The following LRP1B variants were observed in gnomAD, a reference collection of about 807,000 sequenced individuals.
LRP1B encodes the protein LDL receptor related protein 1B.
Under a neutral mutation model 556.6 loss-of-function variants are expected in LRP1B, and 217 were observed. That is an observed-to-expected ratio of 0.39 (90% CI 0.35 to 0.44). LRP1B has a LOEUF of 0.44. Ranked by LOEUF, LRP1B falls within the 20% of genes least tolerant of loss-of-function variation. The probability of loss-of-function intolerance (pLI) is 1.00; values close to 1 mark genes in which losing one functional copy is unlikely to be tolerated. For synonymous variants in LRP1B, 2,047 were observed against 1,865.8 expected (o/e 1.10, Z -2.50); for missense variants, 5,053 against 5,620.8 (o/e 0.90, Z 3.23).
chr2:141,791,916 C>T (rs1215873008), intron 2 of LRP1B, among the ~76,000 whole-genome samples: 1 of 151,998 alleles, frequency 6.6e-6, no homozygotes, highest in African/African-American at 2.4e-5. Context: ...TCCTGATTTC[C>T]AGTGCTTTCC....
In LRP1B at chr2:141,857,410, G is replaced by A. The variant is rs576993830; in HGVS notation, c.83-47009C>T. Among the ~76,000 whole-genome samples the A allele has an allele frequency of 8.0e-4, 121 of 151,844 alleles. 1 individual carries two copies. Among genetic ancestry groups the A allele is most frequent in the Non-Finnish European group, 1.6e-3 (108 of 67,966 alleles). ...GGGTGAAGGGCAGTGGCATAATCAT[G>A]GCTCAATGCAGCCTCAACCTCCCAG... On this transcript the variant is annotated intron_variant, in intron 1 of 90. Coordinates refer to ENST00000389484, the MANE Select transcript of LRP1B (RefSeq NM_018557.3).
At chr2:140,664,242 T>C (rs970402651) in intron 41 of LRP1B, among the ~76,000 whole-genome samples, 12 of 152,192 alleles carry the variant, frequency 7.9e-5, no homozygotes, top group Non-Finnish European at 5.9e-5. Flanking sequence ...TGAGCACATG[T>C]TATTGGAAAA....
chr2:140,789,768 C>T (rs1182467634), intron 32 of LRP1B, among the ~76,000 whole-genome samples: 1 of 148,988 alleles, frequency 6.7e-6, no homozygotes. Context: ...GTAGCTGGGA[C>T]TACAGGCGCC....
intron 41 of LRP1B, among the ~76,000 whole-genome samples, chr2:140,628,594 T>C (rs779751893): frequency 6.7e-6 from 1 of 149,534 alleles, no homozygotes; most frequent in Non-Finnish European, 1.5e-5. Flanking sequence ...ATGTGTAGAT[T>C]TGCAAAGTAC....
chr2:140,276,115 AAAT>A (rs1159833177), intron 84 of LRP1B, among the ~76,000 whole-genome samples: 1 of 152,056 alleles, frequency 6.6e-6, no homozygotes, highest in East Asian at 1.9e-4. Flanking sequence ...AAGCAATATT[AAAT>A]GAGATTAGCT....
At chr2:140,459,871 C>G (rs1163489341) in intron 60 of LRP1B, among the ~76,000 whole-genome samples, 3 of 152,114 alleles carry the variant, frequency 2.0e-5, no homozygotes, top group Non-Finnish European at 4.4e-5. Context: ...TTCCCCCCTA[C>G]ACTCCCTCTC....
intron 41 of LRP1B, among the ~76,000 whole-genome samples, chr2:140,692,231 A>G (rs1232408884): frequency 6.6e-6 from 1 of 152,164 alleles, no homozygotes. Context: ...ATAGTTTTCA[A>G]TATCACATCA....
At chr2:140,778,739 T>G (rs1397138862) in intron 32 of LRP1B, among the ~76,000 whole-genome samples, 1 of 151,940 alleles carries the variant, frequency 6.6e-6, no homozygotes, top group Non-Finnish European at 1.5e-5. Flanking sequence ...AAAAGAAGAA[T>G]GTCTACAATC....
At chr2:141,912,375 A>G (rs1386947652) in intron 1 of LRP1B, among the ~76,000 whole-genome samples, 5 of 152,126 alleles carry the variant, frequency 3.3e-5, no homozygotes, top group Non-Finnish European at 1.5e-5. Flanking sequence ...CTTTCTTGGC[A>G]TTTAGGAAAT....
chr2:142,078,092 T>C (rs2104924842), intron 1 of LRP1B, among the ~76,000 whole-genome samples: 1 of 152,218 alleles, frequency 6.6e-6, no homozygotes, highest in South Asian at 2.1e-4. Flanking sequence ...TACCCTGCAC[T>C]TTGTTCCCTA....
chr2:140,714,036 A>G (rs1687126926), intron 37 of LRP1B, among the ~76,000 whole-genome samples: 1 of 152,102 alleles, frequency 6.6e-6, no homozygotes, highest in African/African-American at 2.4e-5. Context: ...TTAGTCTTTT[A>G]TTGTGCCTGA....
At chr2:140,366,903 T>C (rs1285816661) in intron 71 of LRP1B, among the ~76,000 whole-genome samples, 1 of 151,784 alleles carries the variant, frequency 6.6e-6, no homozygotes, top group African/African-American at 2.4e-5. Flanking sequence ...AATAATTCAG[T>C]AGATAAGACA....
chr2:141,644,007 AGAGTGTGTGTGTGTGTGT>A (rs1306446156), intron 2 of LRP1B, among the ~76,000 whole-genome samples: 19 of 142,310 alleles, frequency 1.3e-4, no homozygotes, highest in Admixed American at 2.9e-4. Context: ...GAGAATGTGG[AGAGTGTGTGTGTGTGTGT>A]GTGTGTGTGT....
rs1486114742 is a variant in LRP1B at position 140,736,896 on chromosome 2, A to G, written c.5759-20080T>C. Among the ~76,000 whole-genome samples, 3 of 152,242 alleles carry G rather than the reference A, an allele frequency of 2.0e-5. No homozygotes were observed. In the South Asian group the frequency reaches 6.2e-4, roughly 32 times the overall value. On this transcript the variant is annotated intron_variant, in intron 35 of 90. Coordinates refer to ENST00000389484, the MANE Select transcript of LRP1B (RefSeq NM_018557.3). ...TCGTTGTGCTTACCTGCCAGAAACC[A>G]AAAGGCCGTAACTACCATGACTGGC... is the stretch of plus-strand genomic sequence containing the variant.
chr2:141,963,544 C>T (rs1041658165), intron 1 of LRP1B, among the ~76,000 whole-genome samples: 1 of 151,620 alleles, frequency 6.6e-6, no homozygotes, highest in Non-Finnish European at 1.5e-5. Flanking sequence ...AATTCAACAA[C>T]CCTTCATGCT....
At chr2:141,861,793 G>A (rs1217812186) in intron 1 of LRP1B, among the ~76,000 whole-genome samples, 1 of 152,110 alleles carries the variant, frequency 6.6e-6, no homozygotes, top group African/African-American at 2.4e-5. Flanking sequence ...AGCCGGGCAT[G>A]ATGGCAGGTG....
chr2:141,830,705 A>G (rs528725826), intron 1 of LRP1B, among the ~76,000 whole-genome samples: 1 of 151,932 alleles, frequency 6.6e-6, no homozygotes, highest in South Asian at 2.1e-4. Context: ...ATGTAAACTC[A>G]GTGGATTTTT....
In LRP1B at chr2:140,485,431, C is replaced by T. The variant is rs2105362890; in HGVS notation, c.9337G>A (p.Val3113Ile). 1 of 1,613,692 alleles carries T rather than the reference C, an allele frequency of 6.2e-7. No homozygotes were observed. Among genetic ancestry groups the T allele is most frequent in the Non-Finnish European group, 8.5e-7 (1 of 1,179,658 alleles). ...GGGTACAAGCCATTGAGTTTGGATA[C>T]TTCAATGATTCTTTTTTCTGTGTCA... ...WSDTEKRIIE[V>I]SKLNGLYPTI... The change falls in exon 59 of 91, where the codon GTA becomes ATA. Residue 3113 changes from valine to isoleucine, a missense_variant. By Grantham distance (29) the Val-to-Ile change is conservative. Around this residue, in one of 5 missense-constraint regions of LRP1B, gnomAD observed 3,619 missense variants for 3,931.9 expected, o/e 0.92. Coordinates refer to ENST00000389484, the MANE Select transcript of LRP1B (RefSeq NM_018557.3).
At chr2:141,309,844 T>A (rs564843502) in intron 3 of LRP1B, among the ~76,000 whole-genome samples, 2 of 151,858 alleles carry the variant, frequency 1.3e-5, no homozygotes, top group African/African-American at 4.8e-5. Context: ...CCACTTTTTT[T>A]TATAAGAAAT....
Sources: allele counts gnomAD v4.1 joint callset (sites outside exome capture counted in the v4.1 genomes callset), GRCh38; gene constraint gnomAD v4.1.1; regional missense constraint gnomAD v4.1.1; transcripts MANE v1.5; gene names NCBI Gene and HGNC (gene_info 2026-07-23, HGNC 2026-07-21).